Variants in B3GNT8 observed in about 807,000 individuals in gnomAD.
The protein encoded by B3GNT8 is N-acetyllactosaminide beta-1,3-N-acetylglucosaminyltransferase 8.
For synonymous variants in B3GNT8, 258 were observed against 238.3 expected (o/e 1.08, Z -0.76); for missense variants, 502 against 530.5 (o/e 0.95, Z 0.53).
At chr19:41,427,711 G>T, upstream of B3GNT8, 1 of 156,308 alleles carries the variant, frequency 6.4e-6, no homozygotes. The surrounding 1 kb of genome is among the most constrained non-coding windows in gnomAD (Gnocchi z 5.6). Flanking sequence ...AGTGACCAGG[G>T]CGAGGCAGGG....
Position 41,425,428 on chromosome 19 carries a change from T to C in B3GNT8, c.*157A>G. 3.9e-6 allele frequency: 2 copies of C among 517,292 alleles called. No homozygotes were observed. The highest frequency in any genetic ancestry group is 3.3e-5 in the East Asian group (1 of 29,994). 32.0% of individuals were successfully genotyped at this position (517,292 alleles called of 1,614,324 possible). The stretch of plus-strand genomic sequence containing the variant: ...AAACAGTCCACCACCCCATCTTTCC[T>C]GCCCAGGCCCCTGGCTGGGGGAGGC... On this transcript the variant is annotated 3_prime_UTR_variant, in exon 2 of 2. Coordinates refer to ENST00000691102, the MANE Select transcript of B3GNT8 (RefSeq NM_001385648.2).
rs1157280331 is a variant in B3GNT8, at chr19:41,427,208, G to A, written c.-33+76C>T. 1 of 202,706 alleles carries A rather than the reference G, an allele frequency of 4.9e-6. No homozygotes were observed. Among genetic ancestry groups the A allele is most frequent in the South Asian group, 7.4e-5 (1 of 13,558 alleles). 12.6% of individuals were successfully genotyped at this position (202,706 alleles called of 1,614,324 possible). A position where few individuals can be genotyped will look rare whatever the true frequency, so the allele number is the denominator to read the frequency against. ...AGGAGCGGGATTCCTAGCTCCCTGG[G>A]GTTAGAAACCCAGCCTGCCTCCCGC... On this transcript the variant is annotated intron_variant, in intron 1 of 1. Transcript: ENST00000691102. The surrounding 1 kb of genome is among the most constrained non-coding windows in gnomAD (Gnocchi z 5.6).
Position 41,425,551 on chromosome 19 carries a change from G to T in B3GNT8, c.*34C>A, listed in dbSNP as rs753913823. 4.1e-6 allele frequency: 6 copies of T among 1,454,822 alleles called. No individual in the cohort carries two copies. Among genetic ancestry groups the T allele is most frequent in the Non-Finnish European group, 5.5e-6 (6 of 1,100,024 alleles). The allele number at this position is 1,454,822 out of a possible 1,614,324, so 90.1% of individuals were successfully genotyped here. Reference sequence around the variant, plus strand: ...CCAGGGGCCGGCCCCAGAGGCCCAGGCCAGGTCAGCACCTCCGCCCTCCCC... The same window carrying T: ...CCAGGGGCCGGCCCCAGAGGCCCAGTCCAGGTCAGCACCTCCGCCCTCCCC... On this transcript the variant is annotated 3_prime_UTR_variant, in exon 2 of 2. Coordinates refer to ENST00000691102, the MANE Select transcript of B3GNT8 (RefSeq NM_001385648.2).
At position 41,426,958 on chromosome 19, in the gene B3GNT8, C is replaced by A; in HGVS notation, c.-32-148G>T. 2.9e-6 allele frequency: 2 copies of A among 688,458 alleles called. No individual in the cohort carries two copies. Among genetic ancestry groups the A allele is most frequent in the South Asian group, 3.6e-5 (2 of 55,080 alleles). The allele number at this position is 688,458 out of a possible 1,614,324, so 42.6% of individuals were successfully genotyped here. ...ATAACAGATTCTCTCGGTCCCAGATCCTAAACAGCTCCCCTGACCCAGGGA... is the reference window on the plus strand; with the variant it reads ...ATAACAGATTCTCTCGGTCCCAGATACTAAACAGCTCCCCTGACCCAGGGA... On this transcript the variant is annotated intron_variant, in intron 1 of 1. Coordinates refer to ENST00000691102, the MANE Select transcript of B3GNT8 (RefSeq NM_001385648.2). This position sits in a 1 kb window ranked among gnomAD's most constrained non-coding sequence, Gnocchi z 4.9.
rs764435783 is a variant in B3GNT8 at position 41,425,819 on chromosome 19, C to T, written c.960G>A (p.Leu320=). ...GTGCCACACGGGCTGCCGCCCGCAG[C>T]AGCCAGGGTGCCAGGCGCCCGGCAA... ...YVIAGRLAPW[L]LRAAARVAPF... The change falls in exon 2 of 2, where the codon CTG becomes CTA. Residue 320 remains leucine, a synonymous_variant. Coordinates refer to ENST00000691102, the MANE Select transcript of B3GNT8 (RefSeq NM_001385648.2). 3 of 1,612,990 alleles carry T rather than the reference C, an allele frequency of 1.9e-6. No individual in the cohort carries two copies. In the South Asian group the frequency reaches 3.3e-5, roughly 18 times the overall value.
chr19:41,425,549 A>AGGCCAGGGTCGG lies in B3GNT8; in HGVS notation c.*35_*36insCCGACCCTGGCC. The AGGCCAGGGTCGG allele has an allele frequency of 7.1e-7, 1 of 1,404,230 alleles. No individual in the cohort carries two copies. The highest frequency in any genetic ancestry group is 9.3e-7 in the Non-Finnish European group (1 of 1,070,022). The allele number at this position is 1,404,230 out of a possible 1,614,324, so 87.0% of individuals were successfully genotyped here. On this transcript the variant is annotated 3_prime_UTR_variant, in exon 2 of 2. Transcript: ENST00000691102. ...AGCCAGGGGCCGGCCCCAGAGGCCC[A>AGGCCAGGGTCGG]GGCCAGGTCAGCACCTCCGCCCTCC...
chr19:41,428,372 GAGCC>G (rs149152287), upstream of B3GNT8, among the ~76,000 whole-genome samples: 4,842 of 152,188 alleles, frequency 0.032, 236 homozygotes, highest in African/African-American at 0.11. This position sits in a 1 kb window ranked among gnomAD's most constrained non-coding sequence, Gnocchi z 6.1. Context: ...CTCCGGCCTG[GAGCC>G]AGCCTCACCC....
Position 41,426,238 on chromosome 19 carries a change from G to A in B3GNT8, c.541C>T (p.Leu181Phe). Reference protein sequence around the residue: ...WGSPAPGIRLLFLLGSPVGEA... With the variant: ...WGSPAPGIRLFFLLGSPVGEA... ...CCCACCGGAGACCCTAGCAGGAAGA[G>A]CAGCCGGATCCCTGGAGCTGGACTG... Residue 181 changes from leucine to phenylalanine, a missense_variant, in exon 2 of 2, where the codon CTC becomes TTC. Leu to Phe is a conservative substitution (Grantham distance 22). Coordinates refer to ENST00000691102, the MANE Select transcript of B3GNT8 (RefSeq NM_001385648.2). The surrounding 1 kb of genome is among the most constrained non-coding windows in gnomAD (Gnocchi z 4.9). 1 of 1,613,594 alleles carries A rather than the reference G, an allele frequency of 6.2e-7. No homozygotes were observed. Among genetic ancestry groups the A allele is most frequent in the Admixed American group, 1.7e-5 (1 of 60,032 alleles).
Position 41,425,802 on chromosome 19 carries a change from C to T in B3GNT8, c.977G>A (p.Arg326His), listed in dbSNP as rs139702020. The T allele has an allele frequency of 4.7e-5, 75 of 1,612,626 alleles. 1 individual carries two copies. In the African/African-American group the frequency reaches 7.6e-4, roughly 16 times the overall value. ...GTCCTCAAAGGGGAAGGGTGCCACA[C>T]GGGCTGCCGCCCGCAGCAGCCAGGG... ...LAPWLLRAAA[R>H]VAPFPFEDVY... is the part of the protein sequence containing the mutation. Residue 326 changes from arginine (R) to histidine (H), a missense_variant, in exon 2 of 2, where the codon CGT becomes CAT. Arg to His is a conservative substitution (Grantham distance 29). Coordinates refer to ENST00000691102, the MANE Select transcript of B3GNT8 (RefSeq NM_001385648.2).
At position 41,425,719 on chromosome 19, in the gene B3GNT8, A is replaced by G. The variant is rs1161883374; in HGVS notation, c.1060T>C (p.Phe354Leu). ...LGLVPQAHPG[F>L]LTAWPADRTA... Reference sequence around the variant, plus strand: ...CGGTCTGCTGGCCAGGCTGTGAGGAAGCCTGGGTGGGCCTGGGGCACCAGG... The same window carrying G: ...CGGTCTGCTGGCCAGGCTGTGAGGAGGCCTGGGTGGGCCTGGGGCACCAGG... The change falls in exon 2 of 2, where the codon TTC (phenylalanine) becomes CTC (leucine). Residue 354 changes from phenylalanine to leucine, a missense_variant. Phe to Leu is a conservative substitution (Grantham distance 22, BLOSUM62 0). Transcript: ENST00000691102. The G allele has an allele frequency of 6.3e-7, 1 of 1,577,604 alleles. No homozygotes were observed. The highest frequency in any genetic ancestry group is 8.6e-7 in the Non-Finnish European group (1 of 1,161,436).
rs768068522 is a variant in B3GNT8 at position 41,425,761 on chromosome 19, A to C, written c.1018T>G (p.Cys340Gly). The C allele has an allele frequency of 1.2e-6, 2 of 1,601,140 alleles. No individual in the cohort carries two copies. Among genetic ancestry groups the C allele is most frequent in the Non-Finnish European group, 1.7e-6 (2 of 1,172,490 alleles). ...FPFEDVYTGLCIRALGLVPQA... is the reference protein window; with the variant it reads ...FPFEDVYTGLGIRALGLVPQA... ...GGCACCAGGCCCAGGGCTCGGATGC[A>C]AAGGCCAGTGTAGACGTCCTCAAAG... The change falls in exon 2 of 2, where the codon TGC becomes GGC. Residue 340 changes from cysteine to glycine, a missense_variant. Physicochemically the swap from Cys to Gly is radical, Grantham distance 159. Coordinates refer to ENST00000691102, the MANE Select transcript of B3GNT8 (RefSeq NM_001385648.2).
chr19:41,428,135 G>A (rs1487563492), upstream of B3GNT8, among the ~76,000 whole-genome samples: 1 of 151,974 alleles, frequency 6.6e-6, no homozygotes, highest in Admixed American at 6.6e-5. The surrounding 1 kb of genome is among the most constrained non-coding windows in gnomAD (Gnocchi z 6.1). Context: ...GAGGGCAGAG[G>A]GGAGGGACTC....
Position 41,426,008 on chromosome 19 carries a change from C to T in B3GNT8, c.771G>A (p.Leu257=), listed in dbSNP as rs548947400. The change falls in exon 2 of 2, where the codon CTG becomes CTA. Residue 257 remains leucine (L), a synonymous_variant. Coordinates refer to ENST00000691102, the MANE Select transcript of B3GNT8 (RefSeq NM_001385648.2). The surrounding 1 kb of genome is among the most constrained non-coding windows in gnomAD (Gnocchi z 4.9). ...DDAFVHTPAL[L]AHLRALPPAS... is the part of the protein sequence containing the mutation. The stretch of plus-strand genomic sequence containing the variant: ...CAGGTGGCAGGGCCCGCAGGTGAGC[C>T]AGCAGGGCAGGGGTGTGTACAAAGG... 1.2e-6 allele frequency: 2 copies of T among 1,612,092 alleles called. No homozygotes were observed. The highest frequency in any genetic ancestry group is 2.2e-5 in the South Asian group (2 of 91,054).
At position 41,426,941 on chromosome 19, in the gene B3GNT8, T is replaced by G; in HGVS notation, c.-32-131A>C. On this transcript the variant is annotated intron_variant, in intron 1 of 1. Coordinates refer to ENST00000691102, the MANE Select transcript of B3GNT8 (RefSeq NM_001385648.2). The surrounding 1 kb of genome is among the most constrained non-coding windows in gnomAD (Gnocchi z 4.9). ...AGTCCCCGCCAACCCCCATAACAGA[T>G]TCTCTCGGTCCCAGATCCTAAACAG... The G allele has an allele frequency of 1.4e-6, 1 of 730,468 alleles. No individual in the cohort carries two copies. The highest frequency in any genetic ancestry group is 2.3e-6 in the Non-Finnish European group (1 of 441,436). The allele number at this position is 730,468 out of a possible 1,614,324, so 45.2% of individuals were successfully genotyped here.
chr19:41,425,717 G>A lies in B3GNT8; in HGVS notation c.1062C>T (p.Phe354=), dbSNP rs1374504407. The A allele has an allele frequency of 2.2e-5, 35 of 1,575,606 alleles. No homozygotes were observed. Among genetic ancestry groups the A allele is most frequent in the Non-Finnish European group, 2.9e-5 (34 of 1,160,658 alleles). The change falls in exon 2 of 2, where the codon TTC becomes TTT. Residue 354 remains phenylalanine (F), a synonymous_variant. Transcript: ENST00000691102. The part of the protein sequence containing the change: ...LGLVPQAHPG[F]LTAWPADRTA... ...TGCGGTCTGCTGGCCAGGCTGTGAG[G>A]AAGCCTGGGTGGGCCTGGGGCACCA... is the stretch of plus-strand genomic sequence containing the variant.
Position 41,427,136 on chromosome 19 carries a change from G to A in B3GNT8, c.-33+148C>T, listed in dbSNP as rs371657844. 11 of 324,154 alleles carry A rather than the reference G, an allele frequency of 3.4e-5. No homozygotes were observed. The highest frequency in any genetic ancestry group is 3.2e-4 in the Admixed American group (7 of 22,196). 20.1% of individuals were successfully genotyped at this position (324,154 alleles called of 1,614,324 possible). A position where few individuals can be genotyped will look rare whatever the true frequency, so the allele number is the denominator to read the frequency against. On this transcript the variant is annotated intron_variant, in intron 1 of 1. Transcript: ENST00000691102. The surrounding 1 kb of genome is among the most constrained non-coding windows in gnomAD (Gnocchi z 5.6). ...TCCATCCAGGACAAGGGACCTTGCC[G>A]TCTATCTCCTCCCTCTCCCTCCATT...
chr19:41,427,587 G>C (rs2039450086), upstream of B3GNT8: 1 of 154,664 alleles, frequency 6.5e-6, no homozygotes, highest in Admixed American at 6.5e-5. This position sits in a 1 kb window ranked among gnomAD's most constrained non-coding sequence, Gnocchi z 5.6. Context: ...AGGGTGCAGG[G>C]GGCAGCCACA....
In B3GNT8 at chr19:41,425,839, C is replaced by T. The variant is rs562080714; in HGVS notation, c.940G>A (p.Gly314Arg). The T allele has an allele frequency of 2.8e-5, 45 of 1,612,960 alleles. No individual in the cohort carries two copies. Among genetic ancestry groups the T allele is most frequent in the Non-Finnish European group, 3.5e-5 (41 of 1,179,972 alleles). Residue 314 changes from glycine to arginine, a missense_variant, in exon 2 of 2, where the codon GGG (glycine) becomes AGG (arginine). Coordinates refer to ENST00000691102, the MANE Select transcript of B3GNT8 (RefSeq NM_001385648.2). The part of the protein sequence containing the change: ...YASGGGYVIA[G>R]RLAPWLLRAA... ...CGCAGCAGCCAGGGTGCCAGGCGCC[C>T]GGCAATGACGTAGCCACCCCCGCTT...
rs1300042087 is a variant in B3GNT8, at chr19:41,425,972, T to G, written c.807A>C (p.Arg269=). The change falls in exon 2 of 2, where the codon CGA becomes CGC. Residue 269 remains arginine, a synonymous_variant. Transcript: ENST00000691102. ...HLRALPPASA[R]SLYLGEVFTQ... ...TAAAGACCTCACCCAGGTAGAGGCT[T>G]CGGGCCGAGGCAGGTGGCAGGGCCC... The G allele has an allele frequency of 6.2e-7, 1 of 1,612,466 alleles. No homozygotes were observed. The highest frequency in any genetic ancestry group is 1.7e-5 in the Admixed American group (1 of 59,984).
Sources: gnomAD v4.1 joint callset for allele counts (sites outside exome capture counted in the v4.1 genomes callset) on GRCh38, gnomAD v4.1.1 for gene constraint, Gnocchi (gnomAD v3.1) non-coding constraint, MANE v1.5 for transcripts, NCBI Gene and HGNC (gene_info 2026-07-23, HGNC 2026-07-21) for gene names.